The following ELMOD1 variants were observed in gnomAD, a reference collection of about 807,000 sequenced individuals.
ELMOD1 encodes the protein ELMO domain containing 1.
Under a neutral mutation model 46.7 loss-of-function variants are expected in ELMOD1, and 21 were observed. The ratio of observed to expected loss-of-function variants is 0.45; its 90% confidence interval spans 0.32 to 0.65. ELMOD1 has a LOEUF of 0.65. Ranked by LOEUF, ELMOD1 falls within the 30% of genes least tolerant of loss-of-function variation. The probability of loss-of-function intolerance (pLI) is 0.04; values close to 1 mark genes in which losing one functional copy is unlikely to be tolerated. For synonymous variants in ELMOD1, 122 were observed against 138.2 expected (o/e 0.88, Z 0.82); for missense variants, 348 against 407.8 (o/e 0.85, Z 1.26).
In ELMOD1 at chr11:107,665,002, TATC is replaced by T. The variant is rs1866816728; in HGVS notation, c.833-20_833-18del. On this transcript the variant is annotated intron_variant, in intron 11 of 11. Coordinates refer to ENST00000265840, the MANE Select transcript of ELMOD1 (RefSeq NM_018712.4). ...AGGATTTTTTTTTCTCCTGCATTCTTATCATTGTATTGTCTCCAACAGGCTATT... is the reference window on the plus strand; with the variant it reads ...AGGATTTTTTTTTCTCCTGCATTCTTATTGTATTGTCTCCAACAGGCTATT... 1 of 1,590,250 alleles carries T rather than the reference TATC, an allele frequency of 6.3e-7. No individual in the cohort carries two copies. Among genetic ancestry groups the T allele is most frequent in the Admixed American group, 1.8e-5 (1 of 55,848 alleles).
chr11:107,608,417 A>T (rs985454946), intron 1 of ELMOD1, among the ~76,000 whole-genome samples: 2 of 152,204 alleles, frequency 1.3e-5, no homozygotes, highest in African/African-American at 4.8e-5. Context: ...AGACTTAAGC[A>T]TGCAGAGGTA....
intron 1 of ELMOD1, among the ~76,000 whole-genome samples, chr11:107,598,197 T>G (rs925840172): frequency 6.6e-6 from 1 of 152,212 alleles, no homozygotes; most frequent in Non-Finnish European, 1.5e-5. Context: ...ATTGGCTTAC[T>G]TGACTATGGA....
In ELMOD1 at chr11:107,634,704, G is replaced by A. The variant is rs142395862; in HGVS notation, c.291-932G>A. 4.5e-3 allele frequency among the ~76,000 whole-genome samples: 683 copies of A among 152,258 alleles called. 4 individuals carry two copies. Among genetic ancestry groups the A allele is most frequent in the African/African-American group, 0.015 (613 of 41,546 alleles). On this transcript the variant is annotated intron_variant, in intron 5 of 11. Transcript: ENST00000265840. ...TGCAGTGAGCCAAGATTGTACCACT[G>A]CACTCCAGCCTGGGTAACAGAGCAA...
At chr11:107,631,162 T>A (rs1591120750) in intron 4 of ELMOD1, among the ~76,000 whole-genome samples, 1 of 152,272 alleles carries the variant, frequency 6.6e-6, no homozygotes, top group African/African-American at 2.4e-5. Flanking sequence ...TATTTTCTTT[T>A]TCAAGATTCT....
At chr11:107,654,915 C>G (rs1285620845) in intron 10 of ELMOD1, among the ~76,000 whole-genome samples, 1 of 150,394 alleles carries the variant, frequency 6.6e-6, no homozygotes, top group African/African-American at 2.4e-5. Flanking sequence ...AATTTTTTTT[C>G]TGTGCTGGAT....
chr11:107,654,033 T>C, intron 9 of ELMOD1, 139 bp from the exon 10 acceptor site: 1 of 708,454 alleles, frequency 1.4e-6, no homozygotes, highest in Non-Finnish European at 2.4e-6. Context: ...TAAATTGTAC[T>C]GTGGCTTAAC....
chr11:107,645,281 C>T (rs1362924727), intron 6 of ELMOD1, among the ~76,000 whole-genome samples: 2 of 150,884 alleles, frequency 1.3e-5, no homozygotes, highest in African/African-American at 4.9e-5. Flanking sequence ...ATGACGATCA[C>T]CTGGTCTCAT....
At chr11:107,618,692 C>T (rs368575031) in intron 2 of ELMOD1, among the ~76,000 whole-genome samples, 95 of 152,296 alleles carry the variant, frequency 6.2e-4, no homozygotes, top group African/African-American at 2.1e-3. Flanking sequence ...CTTCTTACCT[C>T]AGTGATGTCT....
intron 1 of ELMOD1, among the ~76,000 whole-genome samples, chr11:107,613,366 A>AC (rs1329820783): frequency 2.6e-5 from 4 of 152,194 alleles, no homozygotes; most frequent in Non-Finnish European, 5.9e-5. Context: ...AGGTCAAGCA[A>AC]CTTGTCTAAA....
At chr11:107,621,397 G>A (rs1337566165) in intron 2 of ELMOD1, among the ~76,000 whole-genome samples, 1 of 152,036 alleles carries the variant, frequency 6.6e-6, no homozygotes, top group East Asian at 1.9e-4. Flanking sequence ...GGTAAATAAG[G>A]GCTTACAATT....
chr11:107,631,769 C>G (rs1555066142), intron 5 of ELMOD1, 92 bp downstream of exon 5: 2 of 600,564 alleles, frequency 3.3e-6, no homozygotes, highest in Non-Finnish European at 5.4e-6. Flanking sequence ...TTTTTTTCTC[C>G]CTCTCTCCCT....
intron 2 of ELMOD1, chr11:107,623,478 C>T (rs1939894): frequency 0.59 from 89,535 of 152,084 alleles, 26,827 homozygotes; most frequent in East Asian, 0.84. Context: ...CCGAAAGCCA[C>T]GGGCACTCAA....
At chr11:107,597,616 T>C (rs918513014) in intron 1 of ELMOD1, among the ~76,000 whole-genome samples, 2 of 152,210 alleles carry the variant, frequency 1.3e-5, no homozygotes, top group Admixed American at 1.3e-4. Context: ...CAGGCACTTA[T>C]CCACGAATCT....
At chr11:107,611,120 CTTAA>C (rs1865773640) in intron 1 of ELMOD1, among the ~76,000 whole-genome samples, 1 of 151,632 alleles carries the variant, frequency 6.6e-6, no homozygotes, top group Non-Finnish European at 1.5e-5. Flanking sequence ...ATATGTGGGA[CTTAA>C]TTAAAGAGCT....
chr11:107,593,306 G>A (rs886370632), intron 1 of ELMOD1: 1 of 152,176 alleles, frequency 6.6e-6, no homozygotes, highest in Non-Finnish European at 1.5e-5. Flanking sequence ...TTGCAGCCAG[G>A]ACTTAACTGA....
intron 6 of ELMOD1, among the ~76,000 whole-genome samples, chr11:107,647,140 TGA>T (rs1359468113): frequency 6.6e-6 from 1 of 152,180 alleles, no homozygotes; most frequent in Non-Finnish European, 1.5e-5. Flanking sequence ...CATGAGACAA[TGA>T]GAGCGAAAAG....
chr11:107,659,505 C>T (rs1866691839), intron 11 of ELMOD1, among the ~76,000 whole-genome samples: 1 of 152,120 alleles, frequency 6.6e-6, no homozygotes, highest in South Asian at 2.1e-4. Context: ...AATATCAGAG[C>T]CACACAGTGG....
intron 1 of ELMOD1, among the ~76,000 whole-genome samples, chr11:107,600,158 C>G (rs1332871889): frequency 1.3e-5 from 2 of 152,154 alleles, no homozygotes; most frequent in Non-Finnish European, 2.9e-5. Context: ...ACCCTACCCT[C>G]TATCCATCCA....
chr11:107,654,611 T>C (rs1251687124), intron 10 of ELMOD1, among the ~76,000 whole-genome samples: 2 of 151,744 alleles, frequency 1.3e-5, no homozygotes, highest in African/African-American at 4.8e-5. Flanking sequence ...CTACTAAAAA[T>C]ACAAAAAATT....
Sources: gnomAD v4.1 joint callset for allele counts (sites outside exome capture counted in the v4.1 genomes callset) on GRCh38, gnomAD v4.1.1 for gene constraint, MANE v1.5 for transcripts, NCBI Gene and HGNC (gene_info 2026-07-23, HGNC 2026-07-21) for gene names.